Variants in TXLNG observed in about 807,000 individuals in gnomAD.
TXLNG encodes gamma-taxilin.
In TXLNG, 5 loss-of-function variants were observed where a neutral mutation model predicts 38.8. The observed-to-expected ratio is 0.13, with a 90% CI of 0.07 to 0.27. The LOEUF is 0.27. TXLNG is among the 10% of genes least tolerant of loss of function. TXLNG has a pLI of 1.00. For missense variants in TXLNG, 393 were observed against 398.2 expected, an observed-to-expected ratio of 0.99 and a Z score of 0.11; for synonymous variants, 182 against 158.2, an observed-to-expected ratio of 1.15 and a Z score of -1.13.
chrX:16,841,508 A>G lies in TXLNG; in HGVS notation c.1329A>G (p.Thr443=). ...AGAAGCTGTGCAGGGCTCTTCAGAC[A>G]GAAAGGAATGAGCTCAATGAGAAGG... ...RLEKLCRALQ[T]ERNELNEKVE... The change falls in exon 10 of 10, where the codon ACA becomes ACG. Residue 443 remains threonine, a synonymous_variant. Transcript: ENST00000380122. 1 of 1,212,064 alleles carries G rather than the reference A, an allele frequency of 8.3e-7. No individual in the cohort carries two copies. The highest frequency in any genetic ancestry group is 1.1e-6 in the Non-Finnish European group (1 of 895,533).
At chrX:16,793,229 C>A (rs2147458850) in intron 1 of TXLNG, among the ~76,000 whole-genome samples, 1 of 111,405 alleles carries the variant, frequency 9.0e-6, no homozygotes, top group Admixed American at 9.7e-5. Flanking sequence ...CCTGGGAGTA[C>A]ATTTTTATGT....
chrX:16,816,313 A>G (rs1031239515), intron 1 of TXLNG, among the ~76,000 whole-genome samples: 15 of 111,650 alleles, frequency 1.3e-4, no homozygotes, highest in African/African-American at 3.6e-4. Context: ...AATTTTAAGA[A>G]GTTTCTACAG....
At chrX:16,831,921 A>G (rs1380467518) in intron 5 of TXLNG, among the ~76,000 whole-genome samples, 1 of 112,214 alleles carries the variant, frequency 8.9e-6, no homozygotes, top group Non-Finnish European at 1.9e-5. Flanking sequence ...CCAGCTGGGA[A>G]GGGATTGTTC....
intron 3 of TXLNG, among the ~76,000 whole-genome samples, chrX:16,823,301 A>T (rs12007782): frequency 0.012 from 1,269 of 108,681 alleles, 24 homozygotes; most frequent in African/African-American, 0.041. Context: ...TCTACTAAAA[A>T]TACAAAATTT....
At position 16,804,919 on chromosome X, in the gene TXLNG, T is replaced by G. The variant is rs1005366266; in HGVS notation, c.103-13655T>G. Among the ~76,000 whole-genome samples, 4 of 92,883 alleles carry G rather than the reference T, an allele frequency of 4.3e-5. No homozygotes were observed. The Admixed American group carries it at 5.1e-4, about 12-fold the overall frequency. The allele number at this position is 92,883 out of a possible 115,157, so 80.7% of individuals were successfully genotyped here. On this transcript the variant is annotated intron_variant, in intron 1 of 9. Transcript: ENST00000380122. The stretch of plus-strand genomic sequence containing the variant: ...TCCGTTGTCCCTCCACCCCAGGAAT[T>G]TCAAAGATTTTAATTATTTAGCAAA...
At chrX:16,826,047 ATTT>A (rs1161252698) in intron 3 of TXLNG, among the ~76,000 whole-genome samples, 1 of 108,843 alleles carries the variant, frequency 9.2e-6, no homozygotes, top group Admixed American at 9.9e-5. Flanking sequence ...AACCAAAAGG[ATTT>A]TTTTTTTAGA....
intron 1 of TXLNG, among the ~76,000 whole-genome samples, chrX:16,786,985 C>A (rs998359514): frequency 8.9e-6 from 1 of 112,661 alleles, no homozygotes; most frequent in African/African-American, 3.2e-5. Flanking sequence ...TGAGCGCCGC[C>A]GTCCGGGGGC....
At chrX:16,830,487 G>C (rs1929353074) in intron 5 of TXLNG, among the ~76,000 whole-genome samples, 1 of 104,882 alleles carries the variant, frequency 9.5e-6, no homozygotes, top group African/African-American at 3.5e-5. Flanking sequence ...CGATGGACAG[G>C]GTTAGAGGCT....
chrX:16,802,573 C>T (rs929238302), intron 1 of TXLNG, among the ~76,000 whole-genome samples: 2 of 110,170 alleles, frequency 1.8e-5, no homozygotes, highest in African/African-American at 6.6e-5. Flanking sequence ...TTGGCTTGGT[C>T]GCATTTCCCA....
At chrX:16,828,537 C>G (rs1345657638) in intron 4 of TXLNG, among the ~76,000 whole-genome samples, 2 of 111,903 alleles carry the variant, frequency 1.8e-5, no homozygotes, top group Non-Finnish European at 3.8e-5. Flanking sequence ...CTGCTTAGAG[C>G]CATGGCTTAG....
intron 1 of TXLNG, among the ~76,000 whole-genome samples, chrX:16,793,790 T>A (rs1251278681): frequency 9.1e-6 from 1 of 109,754 alleles, no homozygotes; most frequent in African/African-American, 3.3e-5. Context: ...ACTACAGGTG[T>A]GTGTGCCACC....
At chrX:16,824,319 G>A (rs1050093347) in intron 3 of TXLNG, among the ~76,000 whole-genome samples, 3 of 110,455 alleles carry the variant, frequency 2.7e-5, no homozygotes, top group Non-Finnish European at 5.7e-5. Context: ...AACCCAGCCT[G>A]GGCGACAGTG....
At chrX:16,802,254 CT>C (rs549410933) in intron 1 of TXLNG, among the ~76,000 whole-genome samples, 56 of 86,056 alleles carry the variant, frequency 6.5e-4, no homozygotes, top group Admixed American at 1.5e-3. Context: ...CGCACCTGGC[CT>C]TTTTTTTTTT....
chrX:16,838,643 A>G (rs1238502865), intron 8 of TXLNG, among the ~76,000 whole-genome samples: 1 of 112,172 alleles, frequency 8.9e-6, no homozygotes, highest in African/African-American at 3.2e-5. Context: ...GTATTTTTAG[A>G]CCTGGTAATC....
rs1009704843 is a variant in TXLNG, at chrX:16,842,985, A to G, written c.*1219A>G. ...TGGGGGAAAATTTGAAATTAAGCAC[A>G]TAACTTTTGAATTAGTTCTTTGTTT... On this transcript the variant is annotated 3_prime_UTR_variant, in exon 10 of 10. Transcript: ENST00000380122. 8.9e-6 allele frequency: 1 copy of G among 112,536 alleles called. No individual in the cohort carries two copies. Among genetic ancestry groups the G allele is most frequent in the Non-Finnish European group, 1.9e-5 (1 of 53,317 alleles). The allele number at this position is 112,536 out of a possible 1,213,427, so 9.3% of individuals were successfully genotyped here.
In TXLNG at chrX:16,841,694, CAA is replaced by C. The variant is rs757781810; in HGVS notation, c.1516_1517del (p.Lys506GlufsTer22). Reference protein sequence around the residue: ...ALGAHLEAEPKSQRSAVQKPP... With the variant: ...ALGAHLEAEPXSQRSAVQKPP... ...TGGGAGCGCACCTGGAGGCTGAGCC[CAA>C]GAGTCAGAGAAGCGCTGTGCAAAAG... On this transcript the variant is annotated frameshift_variant, in exon 10 of 10. Transcript: ENST00000380122. LOFTEE classifies it low-confidence loss of function (END_TRUNC). 2 of 1,210,032 alleles carry C rather than the reference CAA, an allele frequency of 1.7e-6. No homozygotes were observed. Among genetic ancestry groups the C allele is most frequent in the Non-Finnish European group, 2.2e-6 (2 of 895,282 alleles).
chrX:16,838,026 G>A (rs531166079), intron 8 of TXLNG, among the ~76,000 whole-genome samples: 140 of 111,696 alleles, frequency 1.3e-3, no homozygotes, highest in Middle Eastern at 9.3e-3. Flanking sequence ...CTGTGTCCTT[G>A]GAGATTAACT....
chrX:16,841,032 T>TA (rs756750001), intron 9 of TXLNG, among the ~76,000 whole-genome samples: 2 of 110,328 alleles, frequency 1.8e-5, no homozygotes, highest in Middle Eastern at 4.6e-3. Flanking sequence ...CCATCTCTAC[T>TA]AAAAATACAA....
intron 1 of TXLNG, among the ~76,000 whole-genome samples, chrX:16,817,576 T>G (rs1475225668): frequency 1.8e-5 from 2 of 111,874 alleles, no homozygotes; most frequent in Admixed American, 1.9e-4. Flanking sequence ...CTCAACAGTA[T>G]TATTCAGAAA....
Sources: allele counts gnomAD v4.1 joint callset (sites outside exome capture counted in the v4.1 genomes callset), GRCh38; gene constraint gnomAD v4.1.1; transcripts MANE v1.5; gene names NCBI Gene and HGNC (gene_info 2026-07-23, HGNC 2026-07-21).